Variants in SPIDR observed in about 807,000 individuals in gnomAD.
The protein encoded by SPIDR is DNA repair-scaffolding protein.
In SPIDR, 93 loss-of-function variants were observed where a neutral mutation model predicts 104.6. That is an observed-to-expected ratio of 0.89 (90% CI 0.75 to 1.06). SPIDR has a LOEUF of 1.06. Among genes scored for constraint, SPIDR ranks in the 50% least tolerant of loss-of-function variants. The pLI, the probability that SPIDR is intolerant of heterozygous loss-of-function variation, is 0.00. For synonymous variants in SPIDR, 431 were observed against 416.9 expected (o/e 1.03, Z -0.41); for missense variants, 1,154 against 1,111.2 (o/e 1.04, Z -0.55).
In SPIDR at chr8:47,483,425, G is replaced by A. The variant is rs140440095; in HGVS notation, c.1097+42883G>A. On this transcript the variant is annotated intron_variant, in intron 8 of 19. Transcript: ENST00000297423. Reference sequence around the variant, plus strand: ...CAGGGCAGGATAAATGCCTTTCTTGGTTCTAATAAGCCCTGAAGAGATACT... The same window carrying A: ...CAGGGCAGGATAAATGCCTTTCTTGATTCTAATAAGCCCTGAAGAGATACT... Among the ~76,000 whole-genome samples, 420 of 152,214 alleles carry A rather than the reference G, an allele frequency of 2.8e-3. 1 individual carries two copies. The highest frequency in any genetic ancestry group is 9.9e-3 in the African/African-American group (410 of 41,544).
At chr8:47,612,918 A>G (rs558214467) in intron 10 of SPIDR, among the ~76,000 whole-genome samples, 2 of 152,344 alleles carry the variant, frequency 1.3e-5, no homozygotes, top group African/African-American at 4.8e-5. Flanking sequence ...AATGGATGCT[A>G]TGCGGCAGGC....
intron 7 of SPIDR, among the ~76,000 whole-genome samples, chr8:47,420,020 G>T (rs1486763792): frequency 6.6e-6 from 1 of 152,196 alleles, no homozygotes; most frequent in Non-Finnish European, 1.5e-5. Context: ...TTCCTGAGGA[G>T]TGCTTTATTT....
intron 8 of SPIDR, chr8:47,592,229 A>G (rs1370305596): frequency 4.6e-6 from 6 of 1,315,342 alleles, no homozygotes; most frequent in East Asian, 4.6e-5. Flanking sequence ...CTGCTCTGCT[A>G]CATCATTTGC....
chr8:47,577,915 C>G (rs995538523), intron 8 of SPIDR, among the ~76,000 whole-genome samples: 3 of 152,152 alleles, frequency 2.0e-5, no homozygotes, highest in African/African-American at 7.2e-5. Context: ...TTGAAAATAT[C>G]TGCTCTAGAG....
intron 10 of SPIDR, among the ~76,000 whole-genome samples, chr8:47,621,999 G>T (rs2065235239): frequency 6.6e-6 from 1 of 152,168 alleles, no homozygotes; most frequent in Admixed American, 6.5e-5. Context: ...GGTAGATTGA[G>T]ATCATGTTGC....
chr8:47,673,355 T>C (rs2076029319), intron 10 of SPIDR: 1 of 455,102 alleles, frequency 2.2e-6, no homozygotes, highest in African/African-American at 2.0e-5. Context: ...CTTATCGTAA[T>C]GTTATCCTGC....
intron 7 of SPIDR, among the ~76,000 whole-genome samples, chr8:47,426,126 C>T (rs1563941433): frequency 6.6e-6 from 1 of 151,980 alleles, no homozygotes; most frequent in South Asian, 2.1e-4. Context: ...GGGGCACACA[C>T]TCCTGTAATC....
At chr8:47,344,809 G>T (rs1410980453) in intron 5 of SPIDR, among the ~76,000 whole-genome samples, 1 of 152,108 alleles carries the variant, frequency 6.6e-6, no homozygotes, top group African/African-American at 2.4e-5. Flanking sequence ...ACTTTTTGAT[G>T]GGGCTGTTTG....
intron 5 of SPIDR, among the ~76,000 whole-genome samples, chr8:47,348,843 A>G (rs2052777577): frequency 6.6e-6 from 1 of 152,076 alleles, no homozygotes; most frequent in African/African-American, 2.4e-5. Flanking sequence ...CTAGTTAGCC[A>G]TTTGTCTAAT....
intron 5 of SPIDR, among the ~76,000 whole-genome samples, chr8:47,322,329 T>A (rs574941090): frequency 9.1e-4 from 139 of 152,206 alleles, no homozygotes; most frequent in Middle Eastern, 3.4e-3. Flanking sequence ...CAAAAGACAC[T>A]TGAAAAGATG....
At chr8:47,456,077 A>T (rs2072914243) in intron 8 of SPIDR, among the ~76,000 whole-genome samples, 1 of 152,222 alleles carries the variant, frequency 6.6e-6, no homozygotes, top group Admixed American at 6.6e-5. Flanking sequence ...TGTCTGGGTT[A>T]GACCATATGT....
At chr8:47,285,987 G>A (rs2038772576) in intron 3 of SPIDR, among the ~76,000 whole-genome samples, 1 of 152,166 alleles carries the variant, frequency 6.6e-6, no homozygotes, top group Non-Finnish European at 1.5e-5. Flanking sequence ...AGTGAAATGA[G>A]TTACTAATCA....
At chr8:47,551,705 T>A (rs2090517067) in intron 8 of SPIDR, among the ~76,000 whole-genome samples, 1 of 152,170 alleles carries the variant, frequency 6.6e-6, no homozygotes, top group African/African-American at 2.4e-5. Context: ...ATTTTGTCGA[T>A]CATTTCAAAA....
chr8:47,339,117 A>T (rs1249712824), intron 5 of SPIDR, among the ~76,000 whole-genome samples: 2 of 152,232 alleles, frequency 1.3e-5, no homozygotes, highest in Admixed American at 1.3e-4. Flanking sequence ...TCCGTTTTAA[A>T]TATCATCTTT....
At chr8:47,531,630 C>T (rs1055308137) in intron 8 of SPIDR, among the ~76,000 whole-genome samples, 1 of 152,136 alleles carries the variant, frequency 6.6e-6, no homozygotes, top group Non-Finnish European at 1.5e-5. Flanking sequence ...TGAGAATTTT[C>T]TTGGGGATTC....
At chr8:47,580,230 G>A (rs2059571652) in intron 8 of SPIDR, among the ~76,000 whole-genome samples, 3 of 152,178 alleles carry the variant, frequency 2.0e-5, no homozygotes, top group Non-Finnish European at 4.4e-5. Context: ...GGAGGATAAA[G>A]ATAATAGGTT....
intron 3 of SPIDR, among the ~76,000 whole-genome samples, chr8:47,285,108 A>G (rs935822794): frequency 1.1e-4 from 17 of 152,350 alleles, no homozygotes; most frequent in East Asian, 9.7e-4. Flanking sequence ...TAAAAATAGT[A>G]GATTAAATGC....
intron 8 of SPIDR, among the ~76,000 whole-genome samples, chr8:47,499,696 G>T (rs531609341): frequency 6.6e-6 from 1 of 152,116 alleles, no homozygotes; most frequent in African/African-American, 2.4e-5. Flanking sequence ...GTGCAGGTTA[G>T]TTACATATGT....
At chr8:47,340,476 C>A (rs2050540388) in intron 5 of SPIDR, among the ~76,000 whole-genome samples, 2 of 152,000 alleles carry the variant, frequency 1.3e-5, no homozygotes, top group Admixed American at 1.3e-4. Flanking sequence ...ATGGTGGCAC[C>A]CTGTAGTCTC....
Sources: gnomAD v4.1 joint callset for allele counts (sites outside exome capture counted in the v4.1 genomes callset) on GRCh38, gnomAD v4.1.1 for gene constraint, MANE v1.5 for transcripts, NCBI Gene and HGNC (gene_info 2026-07-23, HGNC 2026-07-21) for gene names.